ATP8B3: variants seen among roughly 807,000 people sequenced by gnomAD.
ATP8B3 encodes the protein ATPase phospholipid transporting 8B3.
A neutral mutation model predicts 140.9 loss-of-function variants in ATP8B3; 141 were observed. The observed-to-expected ratio is 1.00, with a 90% CI of 0.87 to 1.15. The LOEUF (loss-of-function observed/expected upper bound fraction) is 1.15, where lower values mean the gene tolerates loss of function less well. Among genes scored for constraint, ATP8B3 ranks in the 50% most tolerant of loss-of-function variants. ATP8B3 has a pLI of 0.00. For synonymous variants in ATP8B3, 765 were observed against 714.6 expected (o/e 1.07, Z -1.13); for missense variants, 1,874 against 1,740.6 (o/e 1.08, Z -1.36).
At chr19:1,796,374 C>A in intron 16 of ATP8B3, 109 bp from the exon 17 acceptor site, 10 of 1,085,216 alleles carry the variant, frequency 9.2e-6, no homozygotes, top group Non-Finnish European at 1.3e-5. Flanking sequence ...TTGATGGTGG[C>A]CGGGGACCCC....
At chr19:1,795,271 G>C (rs1044103429) in intron 18 of ATP8B3, among the ~76,000 whole-genome samples, 2 of 150,022 alleles carry the variant, frequency 1.3e-5, no homozygotes, top group East Asian at 2.0e-4. Flanking sequence ...GAAAAGGCAG[G>C]CTGGGCGCGA....
intron 4 of ATP8B3, 108 bp from the exon 5 acceptor site, chr19:1,808,443 G>T: frequency 1.5e-6 from 1 of 657,556 alleles, no homozygotes; most frequent in Non-Finnish European, 2.6e-6. Context: ...GCATCCTCTG[G>T]GCTATGGGAC....
rs140363712 is a variant in ATP8B3 at position 1,789,961 on chromosome 19, T to C, written c.2407A>G (p.Ser803Gly). Residue 803 changes from serine to glycine, a missense_variant, in exon 22 of 29, where the codon AGT becomes GGT. By Grantham distance (56) the Ser-to-Gly change is moderately conservative (BLOSUM62 0). Around this residue, in one of 3 missense-constraint regions of ATP8B3, gnomAD observed 840 missense variants for 760.9 expected, o/e 1.10. Coordinates refer to ENST00000310127, the MANE Select transcript of ATP8B3 (RefSeq NM_138813.4). ...GACTCCCTGGTTAGAAGGTTGTTAC[T>C]GTTTTCCCAGTAGGTCTCCAGGATG... ...SRILETYWEN[S>G]NNLLTRESLS... 2,423 of 1,612,086 alleles carry C rather than the reference T, an allele frequency of 1.5e-3. 59 individuals carry two copies. In the East Asian group the frequency reaches 0.049, roughly 33 times the overall value.
chr19:1,804,594 C>T (rs1337733648), intron 10 of ATP8B3, among the ~76,000 whole-genome samples: 13 of 148,138 alleles, frequency 8.8e-5, no homozygotes, highest in African/African-American at 2.5e-4. Context: ...GGCAACAGAG[C>T]GAGACTCCGT....
intron 20 of ATP8B3, among the ~76,000 whole-genome samples, chr19:1,791,365 C>G (rs1600412850): frequency 6.6e-6 from 1 of 150,624 alleles, no homozygotes; most frequent in East Asian, 2.0e-4. Flanking sequence ...GCATGTGCCA[C>G]TGCGCTCCTC....
chr19:1,783,427 T>A (rs2068216577), intron 28 of ATP8B3, among the ~76,000 whole-genome samples, 157 bp from the exon 29 acceptor site: 1 of 152,178 alleles, frequency 6.6e-6, no homozygotes, highest in Admixed American at 6.5e-5. Flanking sequence ...AGTCCTCGAC[T>A]CTCAGTGTTG....
chr19:1,796,730 C>T lies in ATP8B3; in HGVS notation c.1734G>A (p.Glu578=), dbSNP rs1818213640. 6.2e-7 allele frequency: 1 copy of T among 1,611,424 alleles called. No individual in the cohort carries two copies. The highest frequency in any genetic ancestry group is 8.5e-7 in the Non-Finnish European group (1 of 1,179,528). ...LAICHTVMVR[E]SPRERPDQLL... ...GCGCACCTGGGCGCTCACGGGGGCT[C>T]TCCCGCACCATCACCGTGTGGCAGA... The change falls in exon 16 of 29, where the codon GAG becomes GAA. Residue 578 remains glutamate, a synonymous_variant. Transcript: ENST00000310127.
Position 1,800,295 on chromosome 19 carries a change from AG to A in ATP8B3, c.1306del (p.Leu436CysfsTer70), listed in dbSNP as rs758446557. ...GGACATCGGGATGGTGACGCTGAGCAGGATGAGGAAGCTCCAGAAGACGAAG... is the reference window on the plus strand; with the variant it reads ...GGACATCGGGATGGTGACGCTGAGCAGATGAGGAAGCTCCAGAAGACGAAG... ...SFFVFWSFLILLSVTIPMSMF... is the reference protein window; with the variant it reads ...SFFVFWSFLIXLSVTIPMSMF... On this transcript the variant is annotated frameshift_variant, in exon 13 of 29. Coordinates refer to ENST00000310127, the MANE Select transcript of ATP8B3 (RefSeq NM_138813.4). LOFTEE classifies it high-confidence loss of function. This position sits in a 1 kb window ranked among gnomAD's most constrained non-coding sequence, Gnocchi z 4.4. 103 of 1,612,678 alleles carry A rather than the reference AG, an allele frequency of 6.4e-5. No individual in the cohort carries two copies. The highest frequency in any genetic ancestry group is 7.9e-5 in the Non-Finnish European group (93 of 1,179,830).
At chr19:1,784,505 A>G (rs1237197272) in intron 28 of ATP8B3, among the ~76,000 whole-genome samples, 1 of 152,142 alleles carries the variant, frequency 6.6e-6, no homozygotes, top group Non-Finnish European at 1.5e-5. Flanking sequence ...ACAGCACAAG[A>G]CCCTTCTCAA....
intron 2 of ATP8B3, 26 bp downstream of exon 2, chr19:1,811,463 C>A: frequency 1.2e-6 from 2 of 1,600,870 alleles, no homozygotes. Flanking sequence ...CCCTGTGTTC[C>A]GGCCACCCGA....
Position 1,795,888 on chromosome 19 carries a change from T to G in ATP8B3, c.2042A>C (p.Glu681Ala). The change falls in exon 18 of 29, where the codon GAG becomes GCG. Residue 681 changes from glutamate to alanine, a missense_variant. Transcript: ENST00000310127. ...GAAGGGACTCACAGCCAAGGCCTCC[T>G]CTGTGGCAAATTCCATTGCCCCCCT... ...HRRGAMEFATEEALAAFAQET... is the reference protein window; with the variant it reads ...HRRGAMEFATAEALAAFAQET... 2 of 1,611,350 alleles carry G rather than the reference T, an allele frequency of 1.2e-6. No individual in the cohort carries two copies. Among genetic ancestry groups the G allele is most frequent in the South Asian group, 1.1e-5 (1 of 91,038 alleles).
intron 14 of ATP8B3, among the ~76,000 whole-genome samples, chr19:1,798,005 A>G (rs1011581738): frequency 1.3e-5 from 2 of 151,078 alleles, no homozygotes; most frequent in African/African-American, 4.9e-5. Context: ...GTCTCTCTCT[A>G]TCACCCAGGC....
At chr19:1,801,845 A>G (rs2068853315) in intron 12 of ATP8B3, 111 bp downstream of exon 12, 1 of 645,366 alleles carries the variant, frequency 1.5e-6, no homozygotes, top group Non-Finnish European at 2.5e-6. Flanking sequence ...ACCTGCCCAC[A>G]GGATCAGGCC....
In ATP8B3 at chr19:1,797,004, C is replaced by A. The variant is rs775479121; in HGVS notation, c.1554G>T (p.Gly518=). The stretch of plus-strand genomic sequence containing the variant: ...GTCGGGTCGTGGCCTCTGAATCCGG[C>A]CCTGGGGAAAGACACAGCTTCCTGC... ...NKCCISGRVY[G]PDSEATTRPK... The change falls in exon 15 of 29, where the codon GGG becomes GGT. Residue 518 remains glycine, a splice_region_variant and synonymous_variant. Transcript: ENST00000310127. The A allele has an allele frequency of 9.3e-6, 15 of 1,613,104 alleles. No homozygotes were observed. Among genetic ancestry groups the A allele is most frequent in the Non-Finnish European group, 1.3e-5 (15 of 1,179,832 alleles).
intron 20 of ATP8B3, 23 bp from the exon 21 acceptor site, chr19:1,790,855 G>A (rs751583442): frequency 3.8e-6 from 6 of 1,575,590 alleles, no homozygotes; most frequent in African/African-American, 1.3e-5. Context: ...CCAGCTCAGC[G>A]CCTCTGCGAC....
At chr19:1,810,458 G>C (rs1600490227) in intron 3 of ATP8B3, among the ~76,000 whole-genome samples, 164 bp downstream of exon 3, 1 of 152,166 alleles carries the variant, frequency 6.6e-6, no homozygotes, top group East Asian at 1.9e-4. Context: ...GTAGAAACGG[G>C]GTTTCTCCAT....
In ATP8B3 at chr19:1,789,929, C is replaced by T. The variant is rs772418650; in HGVS notation, c.2439G>A (p.Ser813=). The change falls in exon 22 of 29, where the codon TCG becomes TCA. Residue 813 remains serine (S), a synonymous_variant. Coordinates refer to ENST00000310127, the MANE Select transcript of ATP8B3 (RefSeq NM_138813.4). ...SNNLLTRESL[S]QVKLALVING... is the part of the protein sequence containing the mutation. ...TAATGACCAAGGCCAGCTTGACCTGCGACAGGGACTCCCTGGTTAGAAGGT... is the reference window on the plus strand; with the variant it reads ...TAATGACCAAGGCCAGCTTGACCTGTGACAGGGACTCCCTGGTTAGAAGGT... 6.2e-6 allele frequency: 10 copies of T among 1,612,024 alleles called. No individual in the cohort carries two copies. The highest frequency in any genetic ancestry group is 3.3e-5 in the Admixed American group (2 of 59,990).
At chr19:1,796,923 C>T in intron 15 of ATP8B3, 44 bp from the exon 16 acceptor site, 1 of 1,611,618 alleles carries the variant, frequency 6.2e-7, no homozygotes, top group Non-Finnish European at 8.5e-7. Context: ...TGGGCCGCTC[C>T]CCGTGCCCCG....
At chr19:1,786,708 C>A (rs1240766589) in intron 25 of ATP8B3, among the ~76,000 whole-genome samples, 1 of 152,190 alleles carries the variant, frequency 6.6e-6, no homozygotes, top group Non-Finnish European at 1.5e-5. Flanking sequence ...CTGTGGGACA[C>A]TTCCATCATC....
Sources: allele counts gnomAD v4.1 joint callset (sites outside exome capture counted in the v4.1 genomes callset), GRCh38; gene constraint gnomAD v4.1.1; regional missense constraint gnomAD v4.1.1; non-coding constraint Gnocchi (gnomAD v3.1); transcripts MANE v1.5; gene names NCBI Gene and HGNC (gene_info 2026-07-23, HGNC 2026-07-21).